The following CSNK2A2 variants were observed in gnomAD, a reference collection of about 807,000 sequenced individuals.
The protein encoded by CSNK2A2 is casein kinase II subunit alpha'.
A neutral mutation model predicts 54.0 loss-of-function variants in CSNK2A2; 8 were observed. That is an observed-to-expected ratio of 0.15 (90% confidence interval 0.09 to 0.27). CSNK2A2 has a LOEUF of 0.27. Ranked by LOEUF, CSNK2A2 falls within the 10% of genes least tolerant of loss-of-function variation. The probability of loss-of-function intolerance (pLI) is 1.00; values close to 1 mark genes in which losing one functional copy is unlikely to be tolerated. For missense variants in CSNK2A2, 242 were observed against 439.4 expected, an observed-to-expected ratio of 0.55 and a Z score of 4.02; for synonymous variants, 141 against 153.9, an observed-to-expected ratio of 0.92 and a Z score of 0.62.
rs570258348 is a variant in CSNK2A2 at position 58,197,150 on chromosome 16, C to A, written c.105-306G>T. 294 of 360,944 alleles carry A rather than the reference C, an allele frequency of 8.1e-4. No homozygotes were observed. The highest frequency in any genetic ancestry group is 5.7e-3 in the African/African-American group (280 of 49,144). 22.4% of individuals were successfully genotyped at this position (360,944 alleles called of 1,614,324 possible). On this transcript the variant is annotated intron_variant, in intron 1 of 11. Transcript: ENST00000262506. The surrounding 1 kb of genome is among the most constrained non-coding windows in gnomAD (Gnocchi z 4.0). ...CCTAGAGGGTGCCCCCTGTGCCCCG[C>A]GGCTCCCCAGCACCTGCTTCTCGTT... is the stretch of plus-strand genomic sequence containing the variant.
intron 5 of CSNK2A2, among the ~76,000 whole-genome samples, chr16:58,171,965 ATATATATATATATATT>A (rs1419362014): frequency 2.9e-4 from 3 of 10,510 alleles, no homozygotes; most frequent in African/African-American, 8.2e-4. Flanking sequence ...ATGCATATAT[ATATATATATATATATT>A]TTTTTTTTTT....
In CSNK2A2 at chr16:58,184,300, G is replaced by T; in HGVS notation, c.329C>A (p.Pro110Gln). 1 of 1,598,094 alleles carries T rather than the reference G, an allele frequency of 6.3e-7. No homozygotes were observed. The highest frequency in any genetic ancestry group is 8.6e-7 in the Non-Finnish European group (1 of 1,167,980). ...ATTGATATATTCAAATACCAAAGCT[G>T]GTGTCTTTGACTGTAAAAGAGAATA... is the stretch of plus-strand genomic sequence containing the variant. The part of the protein sequence containing the change: ...DTVKDPVSKT[P>Q]ALVFEYINNT... Residue 110 changes from proline (P) to glutamine (Q), a missense_variant, in exon 4 of 12, where the codon CCA becomes CAA. Coordinates refer to ENST00000262506, the MANE Select transcript of CSNK2A2 (RefSeq NM_001896.4).
chr16:58,195,172 T>A (rs142020250), intron 2 of CSNK2A2, among the ~76,000 whole-genome samples: 26 of 139,312 alleles, frequency 1.9e-4, no homozygotes, highest in African/African-American at 6.8e-4. Context: ...GTAATTTTCC[T>A]GTGACTTAAA....
chr16:58,197,625 G>C lies in CSNK2A2; in HGVS notation c.104+8C>G. ...AGCGGGCCCGGCGGGGGGCGGCGAC[G>C]GCTTTACCCCCAGCTCGGGACGTGA... On this transcript the variant is annotated splice_region_variant and intron_variant, in intron 1 of 11. Coordinates refer to ENST00000262506, the MANE Select transcript of CSNK2A2 (RefSeq NM_001896.4). This position sits in a 1 kb window ranked among gnomAD's most constrained non-coding sequence, Gnocchi z 4.0. The C allele has an allele frequency of 3.9e-6, 6 of 1,552,942 alleles. No homozygotes were observed. The South Asian group carries it at 7.0e-5, about 18-fold the overall frequency.
chr16:58,185,098 A>T (rs184339315), intron 3 of CSNK2A2, among the ~76,000 whole-genome samples: 5 of 152,320 alleles, frequency 3.3e-5, no homozygotes, highest in Non-Finnish European at 7.3e-5. Flanking sequence ...AATAACGCTA[A>T]TTGGCAGTAA....
intron 2 of CSNK2A2, among the ~76,000 whole-genome samples, chr16:58,194,602 A>G (rs565225186): frequency 2.0e-5 from 3 of 152,342 alleles, no homozygotes; most frequent in African/African-American, 7.2e-5. Flanking sequence ...GGACACTGGT[A>G]CCTGTTTCTG....
Position 58,197,775 on chromosome 16 carries a change from T to TGGC in CSNK2A2, c.-42_-40dup, listed in dbSNP as rs1036862388. The TGGC allele has an allele frequency of 2.0e-5, 14 of 694,296 alleles. No individual in the cohort carries two copies. Among genetic ancestry groups the TGGC allele is most frequent in the Middle Eastern group, 6.8e-4 (1 of 1,466 alleles). The allele number at this position is 694,296 out of a possible 1,614,324, so 43.0% of individuals were successfully genotyped here. A position where few individuals can be genotyped will look rare whatever the true frequency, so the allele number is the denominator to read the frequency against. Reference sequence around the variant, plus strand: ...GGGGGGCGGCGCGGGGCGCAGAGGGTGGCGGCGGCGGCGCGGCGGGGGACG... The same window carrying TGGC: ...GGGGGGCGGCGCGGGGCGCAGAGGGTGGCGGCGGCGGCGGCGCGGCGGGGGACG... On this transcript the variant is annotated 5_prime_UTR_variant, in exon 1 of 12. Transcript: ENST00000262506. This position sits in a 1 kb window ranked among gnomAD's most constrained non-coding sequence, Gnocchi z 4.0.
intron 3 of CSNK2A2, among the ~76,000 whole-genome samples, chr16:58,185,451 C>G (rs181155086): frequency 6.6e-6 from 1 of 152,170 alleles, no homozygotes; most frequent in Non-Finnish European, 1.5e-5. Context: ...AAAACATACA[C>G]ATACTTTAAC....
Position 58,186,804 on chromosome 16 carries a change from C to A in CSNK2A2, c.269G>T (p.Arg90Leu), listed in dbSNP as rs750301809. ...CAGCTTAATGATATTTGTTCCACCA[C>A]GAAGGTTCTCCAGAATCTTAACCTC... is the stretch of plus-strand genomic sequence containing the variant. ...KREVKILENL[R>L]GGTNIIKLID... is the part of the protein sequence containing the mutation. The change falls in exon 3 of 12, where the codon CGT (arginine) becomes CTT (leucine). Residue 90 changes from arginine to leucine, a missense_variant. Arg to Leu is a moderately radical substitution (Grantham distance 102). Around this residue, in one of 5 missense-constraint regions of CSNK2A2, gnomAD observed 69 missense variants for 97.0 expected, o/e 0.71. Coordinates refer to ENST00000262506, the MANE Select transcript of CSNK2A2 (RefSeq NM_001896.4). The A allele has an allele frequency of 1.2e-6, 2 of 1,614,008 alleles. No individual in the cohort carries two copies. The highest frequency in any genetic ancestry group is 1.1e-5 in the South Asian group (1 of 91,076).
intron 5 of CSNK2A2, among the ~76,000 whole-genome samples, chr16:58,169,977 C>T (rs967002381): frequency 1.3e-5 from 2 of 151,512 alleles, no homozygotes; most frequent in African/African-American, 2.4e-5. Flanking sequence ...ACCTGAGAGG[C>T]GGAGGTTGCA....
At position 58,167,769 on chromosome 16, in the gene CSNK2A2, T is replaced by C. The variant is rs759609443; in HGVS notation, c.540A>G (p.Ala180=). The part of the protein sequence containing the change: ...KKLRLIDWGL[A]EFYHPAQEYN... ...ACTCCTGAGCAGGATGATAGAATTC[T>C]GCCAGACCCCAATCTATCAGTCGCA... The change falls in exon 7 of 12, where the codon GCA becomes GCG. Residue 180 remains alanine (A), a synonymous_variant. Transcript: ENST00000262506. The C allele has an allele frequency of 3.1e-6, 5 of 1,614,136 alleles. No homozygotes were observed. The highest frequency in any genetic ancestry group is 4.2e-6 in the Non-Finnish European group (5 of 1,179,988).
At chr16:58,175,922 A>C (rs991961770) in intron 4 of CSNK2A2, among the ~76,000 whole-genome samples, 12 of 152,324 alleles carry the variant, frequency 7.9e-5, no homozygotes, top group South Asian at 4.1e-4. Context: ...AGGCAGAACA[A>C]CACCAACAAG....
chr16:58,177,745 T>C (rs1340317907), intron 4 of CSNK2A2, among the ~76,000 whole-genome samples: 2 of 152,214 alleles, frequency 1.3e-5, no homozygotes, highest in South Asian at 2.1e-4. Flanking sequence ...GCTCAGTCTA[T>C]GCCCATAAAT....
chr16:58,181,061 G>C (rs999800865), intron 4 of CSNK2A2, among the ~76,000 whole-genome samples: 7 of 152,150 alleles, frequency 4.6e-5, no homozygotes, highest in Non-Finnish European at 8.8e-5. Flanking sequence ...AAAATGTCAT[G>C]GCTTGAACAT....
chr16:58,177,802 C>T (rs1185547650), intron 4 of CSNK2A2, among the ~76,000 whole-genome samples: 1 of 152,074 alleles, frequency 6.6e-6, no homozygotes, highest in Non-Finnish European at 1.5e-5. Context: ...TACATAAAGT[C>T]CAAGCAAAAG....
chr16:58,197,028 C>T lies in CSNK2A2; in HGVS notation c.105-184G>A. Reference sequence around the variant, plus strand: ...TTGGCTCCCTTCACTCTGCAGAGCTCCTAACCTAATTGGTCTCTCCTAACT... The same window carrying T: ...TTGGCTCCCTTCACTCTGCAGAGCTTCTAACCTAATTGGTCTCTCCTAACT... On this transcript the variant is annotated intron_variant, in intron 1 of 11. Transcript: ENST00000262506. This position sits in a 1 kb window ranked among gnomAD's most constrained non-coding sequence, Gnocchi z 4.0. The T allele has an allele frequency of 1.7e-6, 1 of 585,346 alleles. No individual in the cohort carries two copies. Among genetic ancestry groups the T allele is most frequent in the South Asian group, 1.8e-5 (1 of 54,698 alleles). The allele number at this position is 585,346 out of a possible 1,614,324, so 36.3% of individuals were successfully genotyped here. A position where few individuals can be genotyped will look rare whatever the true frequency, so the allele number is the denominator to read the frequency against.
In CSNK2A2 at chr16:58,171,001, GC is replaced by G. The variant is rs532933756; in HGVS notation, c.430-2309del. ...TCCCTGTCCTCTACCTACCACTAGA[GC>G]CCCCCTCCAGTTTTAACAACCAAAA... is the stretch of plus-strand genomic sequence containing the variant. On this transcript the variant is annotated intron_variant, in intron 5 of 11. Transcript: ENST00000262506. Among the ~76,000 whole-genome samples the G allele has an allele frequency of 7.9e-5, 12 of 152,096 alleles. No individual in the cohort carries two copies. The East Asian group carries it at 2.3e-3, about 29-fold the overall frequency.
chr16:58,180,418 T>A (rs1035429693), intron 4 of CSNK2A2, among the ~76,000 whole-genome samples: 1 of 151,470 alleles, frequency 6.6e-6, no homozygotes, highest in East Asian at 1.9e-4. Flanking sequence ...TTTTAAGTCC[T>A]AAGAGAATTC....
At position 58,197,259 on chromosome 16, in the gene CSNK2A2, C is replaced by T; in HGVS notation, c.104+374G>A. 3.6e-6 allele frequency: 1 copy of T among 281,224 alleles called. No individual in the cohort carries two copies. Among genetic ancestry groups the T allele is most frequent in the Non-Finnish European group, 6.8e-6 (1 of 146,688 alleles). 17.4% of individuals were successfully genotyped at this position (281,224 alleles called of 1,614,324 possible). ...CCTCCCACCACCTCATCTCAGAAAA[C>T]CTAAAAGGCAGGGCATTTTAATAGC... On this transcript the variant is annotated intron_variant, in intron 1 of 11. Transcript: ENST00000262506. This position sits in a 1 kb window ranked among gnomAD's most constrained non-coding sequence, Gnocchi z 4.0.
Sources: gnomAD v4.1 joint callset for allele counts (sites outside exome capture counted in the v4.1 genomes callset) on GRCh38, gnomAD v4.1.1 for gene constraint, gnomAD v4.1.1 regional missense constraint, Gnocchi (gnomAD v3.1) non-coding constraint, MANE v1.5 for transcripts, NCBI Gene and HGNC (gene_info 2026-07-23, HGNC 2026-07-21) for gene names.